NNMT: variants seen among roughly 807,000 people sequenced by gnomAD.
NNMT encodes nicotinamide N-methyltransferase.
A neutral mutation model predicts 11.7 loss-of-function variants in NNMT; 10 were observed. The ratio of observed to expected loss-of-function variants is 0.85; its 90% CI spans 0.53 to 1.45. The LOEUF (loss-of-function observed/expected upper bound fraction) is 1.45. Ranked by LOEUF, NNMT falls within the 40% of genes most tolerant of loss-of-function variation. The pLI, the probability that NNMT is intolerant of heterozygous loss-of-function variation, is 0.00. For synonymous variants in NNMT, 143 were observed against 133.8 expected (o/e 1.07, Z -0.48); for missense variants, 381 against 319.4 (o/e 1.19, Z -1.47).
At chr11:114,297,701 G>T (rs564029037) in intron 1 of NNMT, among the ~76,000 whole-genome samples, 1 of 152,040 alleles carries the variant, frequency 6.6e-6, no homozygotes, top group Non-Finnish European at 1.5e-5. Flanking sequence ...TGTCCAGGCT[G>T]GTCTCATCCT....
Position 114,312,437 on chromosome 11 carries a change from T to C in NNMT, c.755T>C (p.Leu252Pro). ...YSSTMANNEG[L>P]FSLVARKLSR... ...TCCACCATGGCCAACAACGAAGGAC[T>C]TTTCTCCCTGGTGGCGAGGAAGCTG... The change falls in exon 3 of 3, where the codon CTT becomes CCT. Residue 252 changes from leucine (L) to proline (P), a missense_variant. Transcript: ENST00000299964. The C allele has an allele frequency of 6.2e-7, 1 of 1,614,128 alleles. No homozygotes were observed. The highest frequency in any genetic ancestry group is 1.3e-5 in the African/African-American group (1 of 75,052).
intron 2 of NNMT, among the ~76,000 whole-genome samples, chr11:114,302,931 G>A (rs1381239524): frequency 1.3e-5 from 2 of 152,060 alleles, no homozygotes; most frequent in African/African-American, 2.4e-5. Flanking sequence ...AGCTGTCTGT[G>A]GCCCAGAAGA....
chr11:114,266,993 G>A (rs185519732), intron 2 of NNMT, among the ~76,000 whole-genome samples: 330 of 152,294 alleles, frequency 2.2e-3, no homozygotes, highest in Non-Finnish European at 3.6e-3. Context: ...AGCTGGGCAC[G>A]GTGGCTCACA....
At chr11:114,285,001 G>A (rs922521419) in intron 2 of NNMT, among the ~76,000 whole-genome samples, 8 of 151,554 alleles carry the variant, frequency 5.3e-5, no homozygotes, top group Non-Finnish European at 7.4e-5. Flanking sequence ...CTCCTGATCC[G>A]CCCACCTCAA....
chr11:114,274,158 TG>T (rs1417510876), intron 2 of NNMT, among the ~76,000 whole-genome samples: 1 of 152,228 alleles, frequency 6.6e-6, no homozygotes, highest in Non-Finnish European at 1.5e-5. Context: ...CCCAAGTGGT[TG>T]ACTCTCTACA....
At chr11:114,282,666 C>T (rs1945270528) in intron 2 of NNMT, among the ~76,000 whole-genome samples, 1 of 152,150 alleles carries the variant, frequency 6.6e-6, no homozygotes, top group African/African-American at 2.4e-5. Context: ...GTCCTCAAAA[C>T]CCTCGCATTC....
At chr11:114,309,122 C>T (rs917362409) in intron 2 of NNMT, among the ~76,000 whole-genome samples, 2 of 152,204 alleles carry the variant, frequency 1.3e-5, no homozygotes, top group South Asian at 4.1e-4. Context: ...CCCCAGAACA[C>T]TATGTTGTCA....
chr11:114,308,588 G>A (rs1425360145), intron 2 of NNMT, among the ~76,000 whole-genome samples: 1 of 151,644 alleles, frequency 6.6e-6, no homozygotes, highest in East Asian at 1.9e-4. Flanking sequence ...ACCTTTTTTT[G>A]CATATTGATT....
chr11:114,275,312 T>C (rs1167769076), intron 2 of NNMT, among the ~76,000 whole-genome samples: 1 of 152,236 alleles, frequency 6.6e-6, no homozygotes, highest in East Asian at 1.9e-4. Context: ...ATGGAGGTAC[T>C]GGATGTCCTC....
chr11:114,264,734 C>T (rs1361432172), intron 2 of NNMT, among the ~76,000 whole-genome samples: 1 of 152,244 alleles, frequency 6.6e-6, no homozygotes, highest in African/African-American at 2.4e-5. Flanking sequence ...GTTCCCACAA[C>T]CTCCTCATTG....
At chr11:114,261,212 C>T (rs924336100) in intron 1 of NNMT, among the ~76,000 whole-genome samples, 1 of 152,206 alleles carries the variant, frequency 6.6e-6, no homozygotes, top group African/African-American at 2.4e-5. Context: ...TCTGTCTCCA[C>T]CTAGTGGGCA....
intron 2 of NNMT, among the ~76,000 whole-genome samples, chr11:114,306,229 T>A (rs1373426767): frequency 6.6e-6 from 1 of 152,162 alleles, no homozygotes; most frequent in Non-Finnish European, 1.5e-5. Flanking sequence ...GTTTAAGTTC[T>A]TTGTAGATTC....
rs558283097 is a variant in NNMT, at chr11:114,262,564, C to T, written c.-216-284C>T. 2.8e-4 allele frequency among the ~76,000 whole-genome samples: 43 copies of T among 152,302 alleles called. 1 individual carries two copies. The highest frequency in any genetic ancestry group is 2.3e-3 in the Admixed American group (35 of 15,306). ...CTCAGAACCAGTTCACCAGCCAACC[C>T]CTGCACTTGGCCTACAGATGATTTG... On this transcript the variant is annotated intron_variant, in intron 1 of 4. Coordinates refer to the NNMT transcript ENST00000535401.
At chr11:114,289,054 G>T (rs374192114) in intron 2 of NNMT, among the ~76,000 whole-genome samples, 1 of 152,106 alleles carries the variant, frequency 6.6e-6, no homozygotes, top group East Asian at 1.9e-4. Context: ...CTGCTCTGAA[G>T]ATTTTGTATG....
intron 2 of NNMT, among the ~76,000 whole-genome samples, chr11:114,267,420 A>C (rs1343309532): frequency 6.6e-6 from 1 of 152,152 alleles, no homozygotes; most frequent in Non-Finnish European, 1.5e-5. Flanking sequence ...GTCTGCCACC[A>C]TATCCTTGAT....
chr11:114,292,780 A>C (rs1006397102), upstream of NNMT, among the ~76,000 whole-genome samples: 2 of 152,064 alleles, frequency 1.3e-5, no homozygotes, highest in Non-Finnish European at 2.9e-5. Context: ...ATTTCTGGAG[A>C]GGGTAGAAAA....
At chr11:114,278,220 C>T (rs12285641) in intron 2 of NNMT, among the ~76,000 whole-genome samples, 37,990 of 151,860 alleles carry the variant, frequency 0.25, 5,241 homozygotes, top group East Asian at 0.38. Context: ...GCATTTCACA[C>T]GGCGAGAGAG....
chr11:114,278,530 T>A (rs1201851705), intron 2 of NNMT, among the ~76,000 whole-genome samples: 16 of 152,000 alleles, frequency 1.1e-4, no homozygotes. Flanking sequence ...GCACCTGGTG[T>A]GATAGAACAG....
intron 2 of NNMT, among the ~76,000 whole-genome samples, chr11:114,270,790 CTT>C (rs1202687793): frequency 2.1e-5 from 3 of 146,002 alleles, no homozygotes; most frequent in Admixed American, 6.8e-5. Flanking sequence ...TTGTTTAGTT[CTT>C]TTTTTTTTTT....
Sources: gnomAD v4.1 joint callset for allele counts (sites outside exome capture counted in the v4.1 genomes callset) on GRCh38, gnomAD v4.1.1 for gene constraint, MANE v1.5 for transcripts, NCBI Gene and HGNC (gene_info 2026-07-23, HGNC 2026-07-21) for gene names.